ELAPOR2: variants seen among roughly 807,000 people sequenced by gnomAD.
ELAPOR2 encodes endosome-lysosome associated apoptosis and autophagy regulator family member 2, also known as endosome/lysosome-associated apoptosis and autophagy regulator family member 2.
A neutral mutation model predicts 120.7 loss-of-function variants in ELAPOR2; 89 were observed. That is an observed-to-expected ratio of 0.74 (90% CI 0.62 to 0.88). The LOEUF (loss-of-function observed/expected upper bound fraction) is 0.88, where lower values mean the gene tolerates loss of function less well. Ranked by LOEUF, ELAPOR2 falls within the 40% of genes least tolerant of loss-of-function variation. The pLI is 0.00. For synonymous variants in ELAPOR2, 444 were observed against 444.9 expected (o/e 1.00, Z 0.03); for missense variants, 1,134 against 1,251.6 (o/e 0.91, Z 1.42).
At chr7:87,002,016 T>G (rs1258246016) in intron 1 of ELAPOR2, among the ~76,000 whole-genome samples, 1 of 152,124 alleles carries the variant, frequency 6.6e-6, no homozygotes, top group Non-Finnish European at 1.5e-5. Context: ...GTTCTGCTAT[T>G]GTGTCAGGTA....
rs866847326 is a variant in ELAPOR2 at position 86,877,995 on chromosome 7, T to C, written c.*2476A>G. On this transcript the variant is annotated 3_prime_UTR_variant, in exon 22 of 22. Coordinates refer to ENST00000450689, the MANE Select transcript of ELAPOR2 (RefSeq NM_001142749.3). The stretch of plus-strand genomic sequence containing the variant: ...AGACATGTTCTCATCCATTGGAAAA[T>C]TGATTTAAATACGTTTTGACGAGTG... 6 of 152,132 alleles carry C rather than the reference T, an allele frequency of 3.9e-5. No homozygotes were observed. Among genetic ancestry groups the C allele is most frequent in the East Asian group, 1.9e-4 (1 of 5,192 alleles). 9.4% of individuals were successfully genotyped at this position (152,132 alleles called of 1,614,324 possible). A position where few individuals can be genotyped will look rare whatever the true frequency, so the allele number is the denominator to read the frequency against.
Position 86,886,917 on chromosome 7 carries a change from T to C in ELAPOR2, c.3030+4807A>G, listed in dbSNP as rs554656092. Among the ~76,000 whole-genome samples the C allele has an allele frequency of 2.0e-5, 3 of 152,224 alleles. No individual in the cohort carries two copies. The South Asian group carries it at 6.2e-4, about 32-fold the overall frequency. Reference sequence around the variant, plus strand: ...TGGTATCCACTGGCTGCTACAGATATTCAATCATCTATGAATAACTGAAAA... The same window carrying C: ...TGGTATCCACTGGCTGCTACAGATACTCAATCATCTATGAATAACTGAAAA... On this transcript the variant is annotated intron_variant, in intron 21 of 21. Transcript: ENST00000450689.
intron 21 of ELAPOR2, among the ~76,000 whole-genome samples, chr7:86,881,871 T>C (rs961146414): frequency 6.6e-6 from 1 of 152,212 alleles, no homozygotes; most frequent in Non-Finnish European, 1.5e-5. Context: ...TAGATGTATG[T>C]CTAAAGTAGA....
In ELAPOR2 at chr7:86,910,090, T is replaced by C. The variant is rs555581079; in HGVS notation, c.2170-89A>G. 29 of 965,738 alleles carry C rather than the reference T, an allele frequency of 3.0e-5. No individual in the cohort carries two copies. In the African/African-American group the frequency reaches 3.3e-4, roughly 11 times the overall value. The allele number at this position is 965,738 out of a possible 1,614,324, so 59.8% of individuals were successfully genotyped here. On this transcript the variant is annotated intron_variant, in intron 15 of 21. Transcript: ENST00000450689. Reference sequence around the variant, plus strand: ...CTAGCTAGTGACCCTAGAAGAGCAGTGGCTCTCTCCTCACTGCAAGGATTC... The same window carrying C: ...CTAGCTAGTGACCCTAGAAGAGCAGCGGCTCTCTCCTCACTGCAAGGATTC...
intron 1 of ELAPOR2, among the ~76,000 whole-genome samples, chr7:87,017,834 T>C (rs1793919513): frequency 6.6e-6 from 1 of 152,028 alleles, no homozygotes; most frequent in Non-Finnish European, 1.5e-5. Context: ...GGTGGGAGGA[T>C]CACTTGAGTC....
At chr7:86,932,209 A>G (rs1020399171) in intron 8 of ELAPOR2, among the ~76,000 whole-genome samples, 2 of 151,934 alleles carry the variant, frequency 1.3e-5, no homozygotes, top group African/African-American at 4.8e-5. Context: ...AACACCGGAA[A>G]GGGCTTGCCT....
At chr7:86,890,966 C>A (rs1788130661) in intron 21 of ELAPOR2, among the ~76,000 whole-genome samples, 1 of 151,810 alleles carries the variant, frequency 6.6e-6, no homozygotes, top group South Asian at 2.1e-4. Context: ...CTATTTCATT[C>A]TTTTTTAATC....
intron 1 of ELAPOR2, chr7:86,965,858 C>A (rs1791883786): frequency 1.0e-6 from 1 of 985,404 alleles, no homozygotes. Flanking sequence ...GCTGCATCCA[C>A]ACTGTTTTGC....
chr7:86,928,997 T>A (rs1790203120), intron 8 of ELAPOR2, among the ~76,000 whole-genome samples: 1 of 151,800 alleles, frequency 6.6e-6, no homozygotes, highest in Admixed American at 6.6e-5. Flanking sequence ...GAAAAACCAA[T>A]AATCAATTCA....
At chr7:86,886,402 G>A (rs763240887) in intron 21 of ELAPOR2, among the ~76,000 whole-genome samples, 11 of 152,072 alleles carry the variant, frequency 7.2e-5, no homozygotes, top group Non-Finnish European at 1.5e-4. Flanking sequence ...TTACCTTTAT[G>A]GCCTCACAAT....
At chr7:87,045,003 A>G (rs1370237223) in intron 1 of ELAPOR2, among the ~76,000 whole-genome samples, 1 of 144,690 alleles carries the variant, frequency 6.9e-6, no homozygotes, top group Non-Finnish European at 1.5e-5. Flanking sequence ...AAACACATGA[A>G]AAAATGCTCA....
At chr7:87,013,649 A>G (rs997464372) in intron 1 of ELAPOR2, among the ~76,000 whole-genome samples, 14 of 152,206 alleles carry the variant, frequency 9.2e-5, no homozygotes, top group Non-Finnish European at 1.6e-4. Context: ...AACAGCAATG[A>G]CAGACTCTCA....
intron 1 of ELAPOR2, among the ~76,000 whole-genome samples, chr7:86,989,040 C>T (rs1792853068): frequency 1.3e-5 from 2 of 152,128 alleles, no homozygotes; most frequent in Non-Finnish European, 2.9e-5. Flanking sequence ...CCATAAGTAA[C>T]TATAAATAAA....
chr7:87,042,100 G>C (rs1562982438), intron 1 of ELAPOR2, among the ~76,000 whole-genome samples: 1 of 149,742 alleles, frequency 6.7e-6, no homozygotes, highest in Non-Finnish European at 1.5e-5. Context: ...GGAGCACCAA[G>C]ATTCATAAAG....
chr7:87,021,321 C>T (rs1794034388), intron 1 of ELAPOR2, among the ~76,000 whole-genome samples: 1 of 152,146 alleles, frequency 6.6e-6, no homozygotes, highest in Non-Finnish European at 1.5e-5. Flanking sequence ...TAATTTGTTG[C>T]ACATTTTCCC....
At chr7:87,031,719 T>C (rs1426126367) in intron 1 of ELAPOR2, among the ~76,000 whole-genome samples, 3 of 152,228 alleles carry the variant, frequency 2.0e-5, no homozygotes, top group South Asian at 2.1e-4. Context: ...TAGTATTTAA[T>C]GATCATAGAT....
At chr7:87,058,836 T>C (rs1795343552) in intron 1 of ELAPOR2, among the ~76,000 whole-genome samples, 1 of 152,060 alleles carries the variant, frequency 6.6e-6, no homozygotes, top group African/African-American at 2.4e-5. Flanking sequence ...CCACAGGGCC[T>C]TAATCAGGAA....
At chr7:87,022,484 T>G (rs1794083427) in intron 1 of ELAPOR2, among the ~76,000 whole-genome samples, 1 of 152,196 alleles carries the variant, frequency 6.6e-6, no homozygotes, top group African/African-American at 2.4e-5. Flanking sequence ...CTATCATTGT[T>G]GAACATTTGG....
rs1795377705 is a variant in ELAPOR2 at position 87,059,651 on chromosome 7, C to A, written c.-138G>T. 1.0e-6 allele frequency: 1 copy of A among 971,046 alleles called. No individual in the cohort carries two copies. Among genetic ancestry groups the A allele is most frequent in the East Asian group, 7.1e-5 (1 of 14,178 alleles). 60.2% of individuals were successfully genotyped at this position (971,046 alleles called of 1,614,324 possible). ...CCGCTGCCCGTCCGCCCGCTGACAG[C>A]TCTGCTGCGCTCGCGGCCCGGGCAG... On this transcript the variant is annotated 5_prime_UTR_variant, in exon 1 of 22. Coordinates refer to ENST00000450689, the MANE Select transcript of ELAPOR2 (RefSeq NM_001142749.3).
Sources: allele counts gnomAD v4.1 joint callset (sites outside exome capture counted in the v4.1 genomes callset), GRCh38; gene constraint gnomAD v4.1.1; transcripts MANE v1.5; gene names NCBI Gene and HGNC (gene_info 2026-07-23, HGNC 2026-07-21).